The following AGBL3 variants were observed in gnomAD, a reference collection of about 807,000 sequenced individuals.
AGBL3 encodes cytosolic carboxypeptidase 3.
AGBL3 carries 68 observed loss-of-function variants against 94.5 expected under a neutral mutation model. The ratio of observed to expected loss-of-function variants is 0.72; its 90% CI spans 0.59 to 0.88. AGBL3 has a LOEUF of 0.88. Ranked by LOEUF, AGBL3 falls within the 40% of genes least tolerant of loss-of-function variation. The pLI is 0.00. For synonymous variants in AGBL3, 354 were observed against 370.7 expected, an observed-to-expected ratio of 0.95 and a Z score of 0.52; for missense variants, 934 against 1,103.8, an observed-to-expected ratio of 0.85 and a Z score of 2.18.
At chr7:135,009,555 T>C (rs1812841870) in intron 4 of AGBL3, among the ~76,000 whole-genome samples, 1 of 152,184 alleles carries the variant, frequency 6.6e-6, no homozygotes, top group African/African-American at 2.4e-5. Flanking sequence ...TAATGTCTTA[T>C]TATAGATTAA....
intron 15 of AGBL3, among the ~76,000 whole-genome samples, chr7:135,086,137 T>C (rs1563250084): frequency 1.3e-5 from 2 of 152,008 alleles, no homozygotes; most frequent in Non-Finnish European, 2.9e-5. Context: ...TTTGATGGTT[T>C]ATTCTTGGGG....
chr7:135,078,426 G>A (rs551231255), intron 13 of AGBL3, among the ~76,000 whole-genome samples: 13 of 152,152 alleles, frequency 8.5e-5, no homozygotes, highest in Non-Finnish European at 1.8e-4. Flanking sequence ...TTTATTTATG[G>A]TAAACAAATC....
chr7:135,025,911 G>T (rs1394001671), intron 5 of AGBL3, among the ~76,000 whole-genome samples: 1 of 32,596 alleles, frequency 3.1e-5, no homozygotes, highest in African/African-American at 5.7e-5. Context: ...ACCCAACAAT[G>T]GCGCATCGTT....
At chr7:135,133,421 A>T (rs1163846355) in intron 16 of AGBL3, among the ~76,000 whole-genome samples, 1 of 152,242 alleles carries the variant, frequency 6.6e-6, no homozygotes, top group African/African-American at 2.4e-5. Context: ...GTATATATAG[A>T]CAAGATTATT....
chr7:135,022,647 A>G (rs1814636354), intron 5 of AGBL3, among the ~76,000 whole-genome samples: 1 of 152,106 alleles, frequency 6.6e-6, no homozygotes, highest in African/African-American at 2.4e-5. Flanking sequence ...TTTGCTATGC[A>G]GATGCTCTTC....
intron 4 of AGBL3, among the ~76,000 whole-genome samples, chr7:134,998,024 C>G (rs1221501060): frequency 6.6e-6 from 1 of 152,084 alleles, no homozygotes; most frequent in Non-Finnish European, 1.5e-5. Flanking sequence ...TATTACATAC[C>G]AAGGAGGCCG....
At chr7:135,000,360 C>T (rs1811565043) in intron 4 of AGBL3, among the ~76,000 whole-genome samples, 1 of 152,150 alleles carries the variant, frequency 6.6e-6, no homozygotes, top group Non-Finnish European at 1.5e-5. Flanking sequence ...TCCACCATCA[C>T]CAATATAAGG....
Position 135,135,267 on chromosome 7 carries a change from C to T in AGBL3, c.*6C>T. On this transcript the variant is annotated 3_prime_UTR_variant, in exon 17 of 17. Coordinates refer to ENST00000436302, the MANE Select transcript of AGBL3 (RefSeq NM_178563.4). ...AGTTCCAAAGGGAGAGTTAATCTAG[C>T]TTTATACTGCTCTGAGAACTGTGAA... The T allele has an allele frequency of 6.7e-7, 1 of 1,496,882 alleles. No individual in the cohort carries two copies. The highest frequency in any genetic ancestry group is 8.9e-7 in the Non-Finnish European group (1 of 1,122,444). The allele number at this position is 1,496,882 out of a possible 1,614,324, so 92.7% of individuals were successfully genotyped here. A position where few individuals can be genotyped will look rare whatever the true frequency, so the allele number is the denominator to read the frequency against.
chr7:135,034,114 T>TA (rs1454994876), intron 6 of AGBL3, 35 bp from the exon 7 acceptor site: 1 of 1,361,770 alleles, frequency 7.3e-7, no homozygotes, highest in Non-Finnish European at 9.6e-7. Flanking sequence ...TTTACATTCT[T>TA]ACGTGCTTTT....
At chr7:135,002,192 T>C (rs1347945288) in intron 4 of AGBL3, among the ~76,000 whole-genome samples, 1 of 152,120 alleles carries the variant, frequency 6.6e-6, no homozygotes, top group Non-Finnish European at 1.5e-5. Flanking sequence ...ACTCGAGAAA[T>C]TCAGAAAAAC....
rs117452458 is a variant in AGBL3, at chr7:135,054,401, T to C, written c.1842-4768T>C. Among the ~76,000 whole-genome samples, 176 of 152,344 alleles carry C rather than the reference T, an allele frequency of 1.2e-3. 2 individuals are homozygous for C. In the East Asian group the frequency reaches 0.021, roughly 18 times the overall value. On this transcript the variant is annotated intron_variant, in intron 11 of 16. Coordinates refer to ENST00000436302, the MANE Select transcript of AGBL3 (RefSeq NM_178563.4). ...GCTGCTGAAAAAGGAAGCATTGTGT[T>C]TCAAAATAAGGAAATGTAGAAGTTT... is the stretch of plus-strand genomic sequence containing the variant.
intron 4 of AGBL3, chr7:135,011,860 C>T (rs1813200219): frequency 6.6e-6 from 1 of 152,034 alleles, no homozygotes; most frequent in Non-Finnish European, 1.5e-5. Context: ...GATAGCTTGG[C>T]GTTATTTACT....
intron 11 of AGBL3, among the ~76,000 whole-genome samples, chr7:135,047,220 C>T (rs968695218): frequency 4.6e-5 from 7 of 151,992 alleles, no homozygotes; most frequent in African/African-American, 1.7e-4. Flanking sequence ...ATGTTGTTAA[C>T]TTATTGCAGA....
chr7:135,118,044 G>A (rs188261479), intron 16 of AGBL3, among the ~76,000 whole-genome samples: 71 of 152,274 alleles, frequency 4.7e-4, no homozygotes, highest in African/African-American at 1.7e-3. Flanking sequence ...AAAAACCCTT[G>A]GATGTTTTCC....
At chr7:135,088,824 A>G (rs1821542537) in intron 15 of AGBL3, among the ~76,000 whole-genome samples, 1 of 152,224 alleles carries the variant, frequency 6.6e-6, no homozygotes, top group African/African-American at 2.4e-5. Flanking sequence ...ACTTTTGACA[A>G]TATGACTGTA....
intron 11 of AGBL3, among the ~76,000 whole-genome samples, chr7:135,057,210 T>A (rs1024908023): frequency 2.6e-5 from 4 of 152,106 alleles, no homozygotes; most frequent in African/African-American, 9.7e-5. Flanking sequence ...ACAGGCAAAA[T>A]GTGAACTAGA....
At chr7:135,116,954 T>C (rs1826406648) in intron 16 of AGBL3, among the ~76,000 whole-genome samples, 1 of 152,218 alleles carries the variant, frequency 6.6e-6, no homozygotes, top group Non-Finnish European at 1.5e-5. Flanking sequence ...CTTGGATATA[T>C]GAGGCAAAAA....
chr7:135,130,324 G>A (rs963441364), intron 16 of AGBL3, among the ~76,000 whole-genome samples: 35 of 152,114 alleles, frequency 2.3e-4, no homozygotes, highest in African/African-American at 6.3e-4. Context: ...TACCACAAAC[G>A]CTATGGGGCA....
intron 4 of AGBL3, among the ~76,000 whole-genome samples, chr7:134,995,004 C>T (rs746905265): frequency 6.6e-6 from 1 of 152,158 alleles, no homozygotes; most frequent in African/African-American, 2.4e-5. Flanking sequence ...ATTTTTCCTA[C>T]AGCACCAGGT....
Sources: allele counts gnomAD v4.1 joint callset (sites outside exome capture counted in the v4.1 genomes callset), GRCh38; gene constraint gnomAD v4.1.1; transcripts MANE v1.5; gene names NCBI Gene and HGNC (gene_info 2026-07-23, HGNC 2026-07-21).